DCDC1: variants seen among roughly 807,000 people sequenced by gnomAD.
DCDC1 encodes the protein doublecortin domain-containing protein 1.
Under a neutral mutation model 178.3 loss-of-function variants are expected in DCDC1, and 200 were observed. The observed-to-expected ratio is 1.12, with a 90% confidence interval of 1.00 to 1.26. The LOEUF (loss-of-function observed/expected upper bound fraction) is 1.26, where lower values mean the gene tolerates loss of function less well. Among genes scored for constraint, DCDC1 ranks in the 50% most tolerant of loss-of-function variants. The pLI, the probability that DCDC1 is intolerant of heterozygous loss-of-function variation, is 0.00. For synonymous variants in DCDC1, 690 were observed against 604.8 expected, an observed-to-expected ratio of 1.14 and a Z score of -2.07; for missense variants, 1,983 against 1,749.2, an observed-to-expected ratio of 1.13 and a Z score of -2.38.
Position 30,988,071 on chromosome 11 carries a change from G to T in DCDC1, c.2592-35503C>A, listed in dbSNP as rs145023079. Among the ~76,000 whole-genome samples, 15 of 152,188 alleles carry T rather than the reference G, an allele frequency of 9.9e-5. No homozygotes were observed. The East Asian group carries it at 2.9e-3, about 29-fold the overall frequency. On this transcript the variant is annotated intron_variant, in intron 20 of 38. Transcript: ENST00000684477. ...GACTGTGGAGTGTTTTGCAAGCCAA[G>T]ATAAGAAGTTCAGATTCTATTCTAA... is the stretch of plus-strand genomic sequence containing the variant.
chr11:31,027,518 A>G (rs1372360726), intron 20 of DCDC1, among the ~76,000 whole-genome samples: 1 of 151,892 alleles, frequency 6.6e-6, no homozygotes, highest in Non-Finnish European at 1.5e-5. Context: ...ACACTTGTTG[A>G]TTACTTGGAA....
intron 9 of DCDC1, among the ~76,000 whole-genome samples, chr11:31,170,861 C>T (rs1357766119): frequency 1.3e-5 from 2 of 151,916 alleles, no homozygotes; most frequent in Non-Finnish European, 2.9e-5. Context: ...TGGAGTTTCA[C>T]TCTTATTGCC....
At chr11:30,988,943 G>A (rs903258724) in intron 20 of DCDC1, among the ~76,000 whole-genome samples, 2 of 152,108 alleles carry the variant, frequency 1.3e-5, no homozygotes, top group Admixed American at 6.5e-5. Flanking sequence ...GATGAAAGTG[G>A]CTGGCATGAA....
chr11:31,120,259 G>A (rs1256408364), intron 11 of DCDC1, among the ~76,000 whole-genome samples: 1 of 152,076 alleles, frequency 6.6e-6, no homozygotes, highest in Non-Finnish European at 1.5e-5. Flanking sequence ...GCCTAAAAAT[G>A]TCTCCAAATC....
chr11:31,333,729 A>G (rs1950124522), intron 2 of DCDC1, among the ~76,000 whole-genome samples: 1 of 152,126 alleles, frequency 6.6e-6, no homozygotes, highest in South Asian at 2.1e-4. Context: ...TGGTTTGTAG[A>G]GTTTCTGCCA....
At chr11:31,183,842 G>A (rs748730672) in intron 9 of DCDC1, among the ~76,000 whole-genome samples, 5 of 152,114 alleles carry the variant, frequency 3.3e-5, no homozygotes, top group Admixed American at 1.3e-4. Context: ...AATCAATATC[G>A]TGAAAATGGC....
At chr11:31,251,916 C>T (rs943012262) in intron 8 of DCDC1, among the ~76,000 whole-genome samples, 8 of 151,926 alleles carry the variant, frequency 5.3e-5, no homozygotes, top group African/African-American at 1.9e-4. Context: ...GCCAGTAATA[C>T]TAAGTAAAGA....
At chr11:31,005,683 A>G (rs780387993) in intron 20 of DCDC1, among the ~76,000 whole-genome samples, 1 of 152,114 alleles carries the variant, frequency 6.6e-6, no homozygotes, top group Non-Finnish European at 1.5e-5. Flanking sequence ...ATGGGATTCC[A>G]TACCACTTTC....
At chr11:31,022,156 G>A (rs1952914995) in intron 20 of DCDC1, among the ~76,000 whole-genome samples, 1 of 152,116 alleles carries the variant, frequency 6.6e-6, no homozygotes, top group Admixed American at 6.6e-5. Flanking sequence ...CACAGTTCTA[G>A]GGCCTACAAG....
At chr11:31,134,873 A>G (rs1335597420) in intron 10 of DCDC1, among the ~76,000 whole-genome samples, 4 of 152,142 alleles carry the variant, frequency 2.6e-5, no homozygotes, top group African/African-American at 9.7e-5. Flanking sequence ...GTATATGCCT[A>G]AAGTCCCAGC....
intron 20 of DCDC1, among the ~76,000 whole-genome samples, chr11:31,014,875 T>A (rs1397070693): frequency 6.6e-6 from 1 of 152,200 alleles, no homozygotes; most frequent in Non-Finnish European, 1.5e-5. Flanking sequence ...GAAAAGTATG[T>A]TTTAGATAGT....
At chr11:31,034,134 G>T (rs1396301235) in intron 20 of DCDC1, among the ~76,000 whole-genome samples, 7 of 125,114 alleles carry the variant, frequency 5.6e-5, no homozygotes, top group South Asian at 2.6e-4. Context: ...ACAGAGTGAG[G>T]CTCTGTCTCA....
chr11:30,888,712 C>T (rs1406231625), intron 36 of DCDC1, among the ~76,000 whole-genome samples: 2 of 152,102 alleles, frequency 1.3e-5, no homozygotes, highest in Non-Finnish European at 1.5e-5. Flanking sequence ...AGTGGAACTC[C>T]GTGTCAAAAG....
intron 12 of DCDC1, among the ~76,000 whole-genome samples, chr11:31,107,949 G>A (rs925920873): frequency 1.3e-5 from 2 of 152,100 alleles, no homozygotes; most frequent in African/African-American, 4.8e-5. Context: ...GCAGTTCAGG[G>A]TCCTTTCTTT....
At chr11:31,170,034 T>G (rs555523552) in intron 9 of DCDC1, among the ~76,000 whole-genome samples, 1 of 152,182 alleles carries the variant, frequency 6.6e-6, no homozygotes, top group East Asian at 1.9e-4. Flanking sequence ...TGAGGCTGCA[T>G]GATGGGGTCC....
intron 20 of DCDC1, among the ~76,000 whole-genome samples, chr11:30,957,338 T>G (rs1457414299): frequency 3.9e-5 from 6 of 152,200 alleles, no homozygotes; most frequent in Non-Finnish European, 8.8e-5. Flanking sequence ...GCTCATCTCC[T>G]TTTTCATTCT....
chr11:31,182,655 T>A (rs1968962705), intron 9 of DCDC1, among the ~76,000 whole-genome samples: 1 of 151,902 alleles, frequency 6.6e-6, no homozygotes, highest in African/African-American at 2.4e-5. Context: ...CATACCAAAT[T>A]GTAAAGGCCG....
At chr11:31,098,232 T>C (rs1958279025) in intron 15 of DCDC1, among the ~76,000 whole-genome samples, 1 of 152,214 alleles carries the variant, frequency 6.6e-6, no homozygotes, top group South Asian at 2.1e-4. Flanking sequence ...TTAACTACCA[T>C]GAAGTTTAAA....
chr11:30,887,407 T>A (rs891013392), intron 36 of DCDC1, among the ~76,000 whole-genome samples: 1 of 152,210 alleles, frequency 6.6e-6, no homozygotes. Context: ...AATGCTTTTT[T>A]AGTTTTAAAT....
Sources: allele counts gnomAD v4.1 joint callset (sites outside exome capture counted in the v4.1 genomes callset), GRCh38; gene constraint gnomAD v4.1.1; transcripts MANE v1.5; gene names NCBI Gene and HGNC (gene_info 2026-07-23, HGNC 2026-07-21).